The following PLEKHH2 variants were observed in gnomAD, a reference collection of about 807,000 sequenced individuals.
PLEKHH2 encodes the protein pleckstrin homology domain-containing family H member 2.
In PLEKHH2, 129 loss-of-function variants were observed where a neutral mutation model predicts 187.9. The observed-to-expected ratio is 0.69, with a 90% CI of 0.59 to 0.79. The LOEUF (loss-of-function observed/expected upper bound fraction) is 0.79. Among genes scored for constraint, PLEKHH2 ranks in the 30% least tolerant of loss-of-function variants. PLEKHH2 has a pLI of 0.00. For missense variants in PLEKHH2, 2,076 were observed against 1,751.2 expected, an observed-to-expected ratio of 1.19 and a Z score of -3.31; for synonymous variants, 686 against 605.6, an observed-to-expected ratio of 1.13 and a Z score of -1.95.
chr2:43,659,817 C>G (rs1666978093), intron 2 of PLEKHH2, among the ~76,000 whole-genome samples: 1 of 152,146 alleles, frequency 6.6e-6, no homozygotes, highest in African/African-American at 2.4e-5. Context: ...CCTTGTCCTC[C>G]CAAAGTGCTG....
At chr2:43,669,421 C>G in intron 2 of PLEKHH2, among the ~76,000 whole-genome samples, 1 of 152,008 alleles carries the variant, frequency 6.6e-6, no homozygotes, top group African/African-American at 2.4e-5. Flanking sequence ...TACTAAAAAC[C>G]ACTGAATTAC....
At chr2:43,692,188 T>A (rs957226254) in intron 3 of PLEKHH2, 1 of 168,634 alleles carries the variant, frequency 5.9e-6, no homozygotes, top group Non-Finnish European at 1.2e-5. Context: ...GTTTAAAATA[T>A]GAAAAAATGA....
chr2:43,652,310 C>T (rs1026008539), intron 2 of PLEKHH2, among the ~76,000 whole-genome samples: 2 of 152,204 alleles, frequency 1.3e-5, no homozygotes, highest in Non-Finnish European at 2.9e-5. Flanking sequence ...TTTCATGTCA[C>T]TCCGCCTCTA....
In PLEKHH2 at chr2:43,753,667, G is replaced by T. The variant is rs745338936; in HGVS notation, c.3702G>T (p.Leu1234Phe). The change falls in exon 25 of 30, where the codon TTG becomes TTT. Residue 1234 changes from leucine (L) to phenylalanine (F), a missense_variant. Leu to Phe is a conservative substitution (Grantham distance 22). Transcript: ENST00000282406. Reference protein sequence around the residue: ...QARGETDREKLLLMYQTNDQI... With the variant: ...QARGETDREKFLLMYQTNDQI... ...GTGGAGAGACTGATAGAGAAAAGTT[G>T]CTGTTAATGTATCAGACAAATGATC... The T allele has an allele frequency of 1.3e-6, 2 of 1,573,760 alleles. No homozygotes were observed. Among genetic ancestry groups the T allele is most frequent in the Non-Finnish European group, 1.7e-6 (2 of 1,162,922 alleles).
chr2:43,765,682 CA>C lies in PLEKHH2; in HGVS notation c.*85del. The C allele has an allele frequency of 2.3e-6, 3 of 1,313,824 alleles. No individual in the cohort carries two copies. The highest frequency in any genetic ancestry group is 3.1e-6 in the Non-Finnish European group (3 of 966,078). 81.4% of individuals were successfully genotyped at this position (1,313,824 alleles called of 1,614,324 possible). On this transcript the variant is annotated 3_prime_UTR_variant, in exon 30 of 30. Coordinates refer to ENST00000282406, the MANE Select transcript of PLEKHH2 (RefSeq NM_172069.4). ...CTACAAGTTCGTTTACACCTGGCAG[CA>C]CGGCAGCCACACACCGGTATTCCAA...
chr2:43,681,709 G>A (rs1468008097), intron 3 of PLEKHH2: 2 of 523,416 alleles, frequency 3.8e-6, no homozygotes, highest in Non-Finnish European at 6.7e-6. Context: ...TGAGGGCCAG[G>A]CAAGGGAGCT....
In PLEKHH2 at chr2:43,765,395, C is replaced by T. The variant is rs754236616; in HGVS notation, c.4297-18C>T. ...AGAACTTCTAAGGAGCAAAACAATT[C>T]TGTTTTCCTTGTTTTAGATTCTTGA... On this transcript the variant is annotated intron_variant, in intron 29 of 29. Transcript: ENST00000282406. 1.9e-6 allele frequency: 3 copies of T among 1,610,020 alleles called. No homozygotes were observed. The highest frequency in any genetic ancestry group is 3.3e-4 in the Middle Eastern group (2 of 6,046).
intron 1 of PLEKHH2, among the ~76,000 whole-genome samples, chr2:43,643,273 A>G (rs1666033184): frequency 6.6e-6 from 1 of 152,168 alleles, no homozygotes; most frequent in Non-Finnish European, 1.5e-5. Context: ...AAATGAAAAT[A>G]AAATGACTTC....
chr2:43,668,765 G>A (rs1171845283), intron 2 of PLEKHH2, among the ~76,000 whole-genome samples: 1 of 152,144 alleles, frequency 6.6e-6, no homozygotes. Flanking sequence ...TTGAGCCCAG[G>A]AGTTCGAGAC....
intron 15 of PLEKHH2, among the ~76,000 whole-genome samples, chr2:43,714,690 A>C (rs1304153956): frequency 7.2e-5 from 11 of 152,226 alleles, no homozygotes; most frequent in Admixed American, 3.3e-4. Context: ...ATAAAAATTC[A>C]GTTCTTTAAA....
chr2:43,723,328 C>T (rs1055025467), intron 16 of PLEKHH2, among the ~76,000 whole-genome samples: 4 of 152,002 alleles, frequency 2.6e-5, no homozygotes, highest in Non-Finnish European at 4.4e-5. Context: ...TTAAGTTTTA[C>T]ATCACAGAGG....
In PLEKHH2 at chr2:43,649,506, T is replaced by G. The variant is rs577814789; in HGVS notation, c.123+4710T>G. Among the ~76,000 whole-genome samples, 556 of 152,366 alleles carry G rather than the reference T, an allele frequency of 3.6e-3. 3 individuals are homozygous for G. Among genetic ancestry groups the G allele is most frequent in the Non-Finnish European group, 4.6e-3 (314 of 68,040 alleles). On this transcript the variant is annotated intron_variant, in intron 2 of 29. Coordinates refer to ENST00000282406, the MANE Select transcript of PLEKHH2 (RefSeq NM_172069.4). The stretch of plus-strand genomic sequence containing the variant: ...TGAATGTGATCCCCTTGAAGCAGAC[T>G]TGGATTGCCTCATAGGAATAAGGAG...
intron 8 of PLEKHH2, among the ~76,000 whole-genome samples, chr2:43,702,406 T>C (rs1305416093): frequency 6.6e-6 from 1 of 152,172 alleles, no homozygotes; most frequent in Non-Finnish European, 1.5e-5. Flanking sequence ...TCTCTGGAAT[T>C]CTAATTATGT....
intron 2 of PLEKHH2, among the ~76,000 whole-genome samples, chr2:43,648,894 A>G (rs1453390827): frequency 1.3e-5 from 2 of 152,204 alleles, no homozygotes; most frequent in Non-Finnish European, 2.9e-5. Flanking sequence ...ATGTAATTAC[A>G]TATTGATAGC....
intron 23 of PLEKHH2, chr2:43,744,245 A>G (rs914242465): frequency 5.6e-6 from 4 of 718,650 alleles, no homozygotes; most frequent in African/African-American, 1.8e-5. Flanking sequence ...TCTAAGTATT[A>G]GGATAATAAG....
chr2:43,709,915 TAG>T, intron 11 of PLEKHH2, 73 bp from the exon 12 acceptor site: 1 of 1,365,384 alleles, frequency 7.3e-7, no homozygotes, highest in Non-Finnish European at 1.0e-6. Flanking sequence ...TTGCATTCTG[TAG>T]GAGCACTCAG....
intron 11 of PLEKHH2, 85 bp from the exon 12 acceptor site, chr2:43,709,905 T>A: frequency 6.9e-6 from 9 of 1,295,760 alleles, no homozygotes; most frequent in Non-Finnish European, 9.5e-6. Flanking sequence ...TTAGGAATAA[T>A]TGCATTCTGT....
chr2:43,677,189 T>C (rs1361063618), intron 2 of PLEKHH2, among the ~76,000 whole-genome samples: 2 of 151,226 alleles, frequency 1.3e-5, no homozygotes, highest in African/African-American at 4.9e-5. Flanking sequence ...TCCAAACTGA[T>C]GATGACTTTA....
Position 43,707,481 on chromosome 2 carries a change from C to T in PLEKHH2, c.1902C>T (p.Ser634=). 1.2e-6 allele frequency: 2 copies of T among 1,614,128 alleles called. No homozygotes were observed. Among genetic ancestry groups the T allele is most frequent in the Non-Finnish European group, 1.7e-6 (2 of 1,180,028 alleles). The change falls in exon 11 of 30, where the codon TCC becomes TCT. Residue 634 remains serine, a synonymous_variant. Transcript: ENST00000282406. ...SEEEDSSRSS[S]RTSESDSRSR... ...AAGAAGACAGCTCCAGATCCAGCTC[C>T]CGGACGTCAGAGTCAGACTCACGCA...
Sources: allele counts gnomAD v4.1 joint callset (sites outside exome capture counted in the v4.1 genomes callset), GRCh38; gene constraint gnomAD v4.1.1; transcripts MANE v1.5; gene names NCBI Gene and HGNC (gene_info 2026-07-23, HGNC 2026-07-21).